The following NRG3 variants were observed in gnomAD, a reference collection of about 807,000 sequenced individuals.
The protein encoded by NRG3 is neuregulin 3.
NRG3 carries 31 observed loss-of-function variants against 66.9 expected under a neutral mutation model. That is an observed-to-expected ratio of 0.46 (90% CI 0.35 to 0.63). NRG3 has a LOEUF of 0.63. NRG3 is among the 20% of genes least tolerant of loss of function. The pLI, the probability that NRG3 is intolerant of heterozygous loss-of-function variation, is 0.00. For missense variants in NRG3, 910 were observed against 878.9 expected (o/e 1.04, Z -0.45); for synonymous variants, 393 against 359.4 (o/e 1.09, Z -1.06).
At chr10:82,581,819 CTTG>C (rs1480109826) in intron 2 of NRG3, among the ~76,000 whole-genome samples, 1 of 151,382 alleles carries the variant, frequency 6.6e-6, no homozygotes, top group East Asian at 1.9e-4. Flanking sequence ...ATTTTTTTTC[CTTG>C]TTATCTTATA....
intron 2 of NRG3, among the ~76,000 whole-genome samples, chr10:82,672,355 A>G: frequency 6.6e-6 from 1 of 152,132 alleles, no homozygotes; most frequent in African/African-American, 2.4e-5. Flanking sequence ...GCATCTTTTT[A>G]TATTGATTTT....
At chr10:82,249,657 A>C (rs1010540203) in intron 1 of NRG3, among the ~76,000 whole-genome samples, 1 of 152,232 alleles carries the variant, frequency 6.6e-6, no homozygotes, top group African/African-American at 2.4e-5. Flanking sequence ...TGGAGGAAAA[A>C]CACACAACCC....
At chr10:82,803,084 G>A (rs79022118) in intron 3 of NRG3, among the ~76,000 whole-genome samples, 21 of 152,208 alleles carry the variant, frequency 1.4e-4, no homozygotes, top group South Asian at 6.2e-4. Context: ...CAAAGAAACC[G>A]TCTGAGGCTA....
At chr10:82,317,652 G>T (rs2081363707) in intron 1 of NRG3, among the ~76,000 whole-genome samples, 1 of 152,228 alleles carries the variant, frequency 6.6e-6, no homozygotes. Context: ...AGTGCTGGAT[G>T]AAACATAGCA....
intron 3 of NRG3, among the ~76,000 whole-genome samples, chr10:82,779,565 A>G (rs1188684124): frequency 6.6e-6 from 1 of 152,128 alleles, no homozygotes; most frequent in African/African-American, 2.4e-5. Flanking sequence ...CAAAAACTCT[A>G]TCTTCCTATT....
At chr10:82,001,528 G>C (rs2061166790) in intron 1 of NRG3, among the ~76,000 whole-genome samples, 1 of 151,802 alleles carries the variant, frequency 6.6e-6, no homozygotes, top group South Asian at 2.1e-4. Context: ...AAGAAAAAAG[G>C]GGAAACGAGG....
At position 82,699,936 on chromosome 10, in the gene NRG3, C is replaced by G. The variant is rs149351598; in HGVS notation, c.954-38641C>G. Among the ~76,000 whole-genome samples, 124 of 152,016 alleles carry G rather than the reference C, an allele frequency of 8.2e-4. No individual in the cohort carries two copies. The East Asian group carries it at 0.022, about 27-fold the overall frequency. ...ATACACTATGAGTGCATAACTTGGT[C>G]TATGCATTGACTCAGATACAAAATA... On this transcript the variant is annotated intron_variant, in intron 2 of 8. Coordinates refer to ENST00000372141, the MANE Select transcript of NRG3 (RefSeq NM_001010848.4).
intron 1 of NRG3, among the ~76,000 whole-genome samples, chr10:81,923,306 C>T (rs529406931): frequency 6.6e-5 from 10 of 152,140 alleles, no homozygotes; most frequent in Non-Finnish European, 7.4e-5. Flanking sequence ...CCCGGGTTCA[C>T]GCCATTCTCC....
chr10:82,212,243 C>T (rs546631028), intron 1 of NRG3, among the ~76,000 whole-genome samples: 19 of 152,228 alleles, frequency 1.2e-4, no homozygotes, highest in African/African-American at 3.6e-4. Context: ...CAAAGAAGCA[C>T]CTCGTTGTAG....
At chr10:82,766,577 G>C (rs1470262460) in intron 3 of NRG3, among the ~76,000 whole-genome samples, 1 of 152,110 alleles carries the variant, frequency 6.6e-6, no homozygotes, top group African/African-American at 2.4e-5. Context: ...GTATAACATT[G>C]TTTCTCTTAT....
At chr10:82,161,755 A>G (rs2071619472) in intron 1 of NRG3, among the ~76,000 whole-genome samples, 1 of 152,036 alleles carries the variant, frequency 6.6e-6, no homozygotes. Context: ...TGATCCCTAC[A>G]TACTTCTAGG....
intron 1 of NRG3, among the ~76,000 whole-genome samples, chr10:82,193,506 AGAAAT>A (rs1490859108): frequency 5.9e-5 from 9 of 152,236 alleles, no homozygotes; most frequent in African/African-American, 1.2e-4. Flanking sequence ...TAGAGGAACA[AGAAAT>A]GAAAGAAAGC....
At chr10:82,791,311 G>C (rs1577463) in intron 3 of NRG3, among the ~76,000 whole-genome samples, 1 of 146,970 alleles carries the variant, frequency 6.8e-6, no homozygotes, top group East Asian at 2.0e-4. Flanking sequence ...TTTTTTTTTG[G>C]TTTTTTTTTC....
chr10:82,354,547 T>G (rs560018570), intron 1 of NRG3, among the ~76,000 whole-genome samples: 1 of 152,166 alleles, frequency 6.6e-6, no homozygotes, highest in South Asian at 2.1e-4. Context: ...CCTGCCACCA[T>G]GCCTGGCTAA....
At chr10:82,777,616 G>A (rs1378347137) in intron 3 of NRG3, among the ~76,000 whole-genome samples, 2 of 152,142 alleles carry the variant, frequency 1.3e-5, no homozygotes, top group Non-Finnish European at 2.9e-5. Flanking sequence ...TGGGGATCAA[G>A]GTGTAATACT....
At chr10:82,097,447 A>AAT (rs901908017) in intron 1 of NRG3, among the ~76,000 whole-genome samples, 4 of 145,634 alleles carry the variant, frequency 2.7e-5, no homozygotes, top group Non-Finnish European at 4.5e-5. Context: ...ATATATCTGT[A>AAT]ATATATATAT....
At chr10:82,208,671 G>A (rs2075251489) in intron 1 of NRG3, among the ~76,000 whole-genome samples, 1 of 151,874 alleles carries the variant, frequency 6.6e-6, no homozygotes, top group African/African-American at 2.4e-5. Context: ...AAAACTACAG[G>A]AACGTCAATT....
At chr10:82,320,866 A>G (rs894264099) in intron 1 of NRG3, among the ~76,000 whole-genome samples, 2 of 152,152 alleles carry the variant, frequency 1.3e-5, no homozygotes, top group African/African-American at 4.8e-5. Context: ...CATATCTGCT[A>G]TACTTTGCTC....
intron 4 of NRG3, among the ~76,000 whole-genome samples, chr10:82,919,871 C>T (rs1280359296): frequency 6.6e-6 from 1 of 150,916 alleles, no homozygotes; most frequent in Non-Finnish European, 1.5e-5. Flanking sequence ...TTAGAGATGA[C>T]CAAATGAAAA....
Sources: gnomAD v4.1 joint callset for allele counts (sites outside exome capture counted in the v4.1 genomes callset) on GRCh38, gnomAD v4.1.1 for gene constraint, MANE v1.5 for transcripts, NCBI Gene and HGNC (gene_info 2026-07-23, HGNC 2026-07-21) for gene names.